CRACD: variants seen among roughly 807,000 people sequenced by gnomAD.
CRACD encodes capping protein inhibiting regulator of actin dynamics.
In CRACD, 56 loss-of-function variants were observed where a neutral mutation model predicts 106.8. The observed-to-expected ratio is 0.52, with a 90% CI of 0.42 to 0.66. The LOEUF (loss-of-function observed/expected upper bound fraction) is 0.66, where lower values mean the gene tolerates loss of function less well. CRACD is among the 30% of genes least tolerant of loss of function. The pLI is 0.00. For synonymous variants in CRACD, 754 were observed against 670.8 expected (o/e 1.12, Z -1.92); for missense variants, 1,730 against 1,623.2 (o/e 1.07, Z -1.13).
chr4:56,304,425 T>C (rs1386146305), intron 4 of CRACD, among the ~76,000 whole-genome samples: 1 of 152,102 alleles, frequency 6.6e-6, no homozygotes, highest in African/African-American at 2.4e-5. Context: ...TGCCTTATTC[T>C]TTTTTTGTCT....
At chr4:56,105,720 C>T (rs770730976) in intron 1 of CRACD, among the ~76,000 whole-genome samples, 1 of 152,110 alleles carries the variant, frequency 6.6e-6, no homozygotes, top group Non-Finnish European at 1.5e-5. Context: ...TCCTTTCTGA[C>T]CTTTAATAGC....
At chr4:56,304,042 T>C (rs1020333144) in intron 4 of CRACD, among the ~76,000 whole-genome samples, 6 of 152,190 alleles carry the variant, frequency 3.9e-5, no homozygotes, top group Admixed American at 1.3e-4. Flanking sequence ...AGGATGAACA[T>C]ATCTGTGACA....
rs573632994 is a variant in CRACD, at chr4:56,252,232, A to T, written c.-188-20089A>T. Among the ~76,000 whole-genome samples, 29 of 152,148 alleles carry T rather than the reference A, an allele frequency of 1.9e-4. 1 individual carries two copies. The South Asian group carries it at 5.8e-3, about 31-fold the overall frequency. On this transcript the variant is annotated intron_variant, in intron 2 of 10. Coordinates refer to ENST00000682029, the MANE Select transcript of CRACD (RefSeq NM_001393381.1). The stretch of plus-strand genomic sequence containing the variant: ...GGGCTTTACATACCCTCAAGGAAAA[A>T]CTTCACACACTCTTCCAGTTCACTC...
chr4:56,314,278 G>A lies in CRACD; in HGVS notation c.776G>A (p.Arg259Lys), dbSNP rs1457913585. 2 of 1,560,194 alleles carry A rather than the reference G, an allele frequency of 1.3e-6. No individual in the cohort carries two copies. The highest frequency in any genetic ancestry group is 2.0e-5 in the Admixed American group (1 of 51,280). The change falls in exon 8 of 11, where the codon AGG becomes AAG. Residue 259 changes from arginine to lysine, a missense_variant. Transcript: ENST00000682029. The surrounding 1 kb of genome is among the most constrained non-coding windows in gnomAD (Gnocchi z 4.4). The stretch of plus-strand genomic sequence containing the variant: ...CAGAGGCTGCAGGCGCTGGAGAGGA[G>A]GCTTTGGGAAGAGAACAGAAGGCAG... ...EEQRLQALER[R>K]LWEENRRQEL...
intron 3 of CRACD, among the ~76,000 whole-genome samples, chr4:56,290,105 G>T (rs973436135): frequency 6.6e-6 from 1 of 152,252 alleles, no homozygotes; most frequent in African/African-American, 2.4e-5. Context: ...GATGTGAAGA[G>T]CAGCGCTCCA....
chr4:56,101,095 G>C (rs1237769277), intron 1 of CRACD, among the ~76,000 whole-genome samples: 1 of 152,020 alleles, frequency 6.6e-6, no homozygotes, highest in South Asian at 2.1e-4. Context: ...GGCATCATCT[G>C]TTGCAGTCTC....
At chr4:56,064,615 C>T (rs558920537) in intron 1 of CRACD, among the ~76,000 whole-genome samples, 18 of 152,270 alleles carry the variant, frequency 1.2e-4, no homozygotes, top group Admixed American at 2.0e-4. Flanking sequence ...GAGATTATCT[C>T]CTTTCTCTTC....
At chr4:56,216,099 C>G (rs1738659732) in intron 2 of CRACD, 1 of 152,188 alleles carries the variant, frequency 6.6e-6, no homozygotes, top group Non-Finnish European at 1.5e-5. Flanking sequence ...GCTGGCCCTC[C>G]CTTTTCCAAT....
In CRACD at chr4:56,316,243, C is replaced by T. The variant is rs376887873; in HGVS notation, c.2741C>T (p.Pro914Leu). The T allele has an allele frequency of 1.6e-5, 26 of 1,613,952 alleles. No homozygotes were observed. The highest frequency in any genetic ancestry group is 2.1e-5 in the Non-Finnish European group (25 of 1,179,830). Residue 914 changes from proline to leucine, a missense_variant, in exon 8 of 11, where the codon CCT becomes CTT. By Grantham distance (98) the Pro-to-Leu change is moderately conservative. Coordinates refer to ENST00000682029, the MANE Select transcript of CRACD (RefSeq NM_001393381.1). Reference sequence around the variant, plus strand: ...CTCCCCCAAGAGCGGAAGCAAGCCCCTTCCACCCGGAGGGACTCCGCTGAA... The same window carrying T: ...CTCCCCCAAGAGCGGAAGCAAGCCCTTTCCACCCGGAGGGACTCCGCTGAA... ...PSLPQERKQAPSTRRDSAEPS... is the reference protein window; with the variant it reads ...PSLPQERKQALSTRRDSAEPS...
At chr4:56,101,243 C>T (rs1211517291) in intron 1 of CRACD, among the ~76,000 whole-genome samples, 1 of 151,196 alleles carries the variant, frequency 6.6e-6, no homozygotes, top group African/African-American at 2.4e-5. Flanking sequence ...ATTTTCTCCC[C>T]TTCCTCCTGT....
At chr4:56,093,130 T>G (rs186858420) in intron 1 of CRACD, among the ~76,000 whole-genome samples, 32 of 152,318 alleles carry the variant, frequency 2.1e-4, no homozygotes, top group African/African-American at 7.7e-4. Flanking sequence ...TGGTTCTCCT[T>G]AGTCCTTTCT....
At chr4:56,228,999 T>C (rs1188710301) in intron 2 of CRACD, among the ~76,000 whole-genome samples, 2 of 152,144 alleles carry the variant, frequency 1.3e-5, no homozygotes, top group African/African-American at 4.8e-5. Context: ...AGAAAATAGT[T>C]GTGAAAAATG....
At chr4:56,113,532 A>G (rs771502263) in intron 1 of CRACD, among the ~76,000 whole-genome samples, 10 of 147,054 alleles carry the variant, frequency 6.8e-5, no homozygotes, top group Non-Finnish European at 1.2e-4. Flanking sequence ...GTTCCACTTG[A>G]AAAATGATAT....
intron 2 of CRACD, among the ~76,000 whole-genome samples, chr4:56,226,932 G>A (rs1739333770): frequency 6.6e-6 from 1 of 150,578 alleles, no homozygotes; most frequent in African/African-American, 2.4e-5. Context: ...CCTTTGCCAT[G>A]TGATCACCAC....
chr4:56,071,006 A>G (rs1007806958), intron 1 of CRACD, among the ~76,000 whole-genome samples: 2 of 152,124 alleles, frequency 1.3e-5, no homozygotes, highest in Non-Finnish European at 2.9e-5. Flanking sequence ...TGTGTCTGGC[A>G]TGGCCTCTTT....
At chr4:56,123,860 T>C (rs1734571459) in intron 1 of CRACD, among the ~76,000 whole-genome samples, 1 of 152,232 alleles carries the variant, frequency 6.6e-6, no homozygotes, top group African/African-American at 2.4e-5. Flanking sequence ...CACTTATTTA[T>C]AAGTCCAGAA....
chr4:56,224,737 G>A (rs17086469), intron 2 of CRACD, among the ~76,000 whole-genome samples: 11,655 of 152,216 alleles, frequency 0.077, 1,467 homozygotes, highest in African/African-American at 0.27. Flanking sequence ...GCTTAACCAT[G>A]TACATACTTA....
chr4:56,143,839 A>G (rs1038444947), intron 1 of CRACD, among the ~76,000 whole-genome samples: 1 of 152,200 alleles, frequency 6.6e-6, no homozygotes, highest in African/African-American at 2.4e-5. Context: ...TTAGGGATTA[A>G]ATGGTGAGCA....
intron 1 of CRACD, among the ~76,000 whole-genome samples, chr4:56,138,183 GC>G (rs1373908037): frequency 1.3e-5 from 2 of 152,086 alleles, no homozygotes; most frequent in African/African-American, 4.8e-5. Flanking sequence ...ATTAAATCTG[GC>G]TGGGTGTGTT....
Sources: allele counts gnomAD v4.1 joint callset (sites outside exome capture counted in the v4.1 genomes callset), GRCh38; gene constraint gnomAD v4.1.1; non-coding constraint Gnocchi (gnomAD v3.1); transcripts MANE v1.5; gene names NCBI Gene and HGNC (gene_info 2026-07-23, HGNC 2026-07-21).